KCND3: variants seen among roughly 807,000 people sequenced by gnomAD.
KCND3 encodes potassium voltage-gated channel subfamily D member 3.
Under a neutral mutation model 51.1 loss-of-function variants are expected in KCND3, and 9 were observed. The observed-to-expected ratio is 0.18, with a 90% CI of 0.11 to 0.31. KCND3 has a LOEUF of 0.31. Ranked by LOEUF, KCND3 falls within the 10% of genes least tolerant of loss-of-function variation. KCND3 has a pLI of 1.00. For synonymous variants in KCND3, 349 were observed against 368.0 expected (o/e 0.95, Z 0.59); for missense variants, 526 against 903.8 (o/e 0.58, Z 5.36).
chr1:111,981,969 C>T lies in KCND3; in HGVS notation c.758G>A (p.Arg253His), dbSNP rs1189045685. ...LRLFAAPSRY[R>H]FIRSVMSIID... ...GATGCTCATGACGCTGCGGATGAAG[C>T]GGTAGCGGCTGGGAGCCGCGAAGAG... The change falls in exon 2 of 8, where the codon CGC becomes CAC. Residue 253 changes from arginine (R) to histidine (H), a missense_variant. This residue lies in a region of KCND3 where 51 missense variants were observed against 84.7 expected (regional missense o/e 0.60). Coordinates refer to ENST00000302127, the MANE Select transcript of KCND3 (RefSeq NM_001378969.1). This position sits in a 1 kb window ranked among gnomAD's most constrained non-coding sequence, Gnocchi z 6.2. 3 of 1,613,894 alleles carry T rather than the reference C, an allele frequency of 1.9e-6. No individual in the cohort carries two copies. The highest frequency in any genetic ancestry group is 2.5e-6 in the Non-Finnish European group (3 of 1,180,032).
chr1:111,847,913 G>A (rs1400694821), intron 2 of KCND3, among the ~76,000 whole-genome samples: 2 of 152,170 alleles, frequency 1.3e-5, no homozygotes, highest in African/African-American at 4.8e-5. Flanking sequence ...CAGAGCTGTT[G>A]GTGGAATCAC....
At chr1:111,820,401 T>C (rs1054776767) in intron 2 of KCND3, among the ~76,000 whole-genome samples, 3 of 152,262 alleles carry the variant, frequency 2.0e-5, no homozygotes, top group Admixed American at 6.5e-5. Flanking sequence ...CTACATCATC[T>C]TCTTGTGCCT....
chr1:111,902,992 G>A (rs775297909), intron 2 of KCND3, among the ~76,000 whole-genome samples: 1 of 152,182 alleles, frequency 6.6e-6, no homozygotes, highest in African/African-American at 2.4e-5. Context: ...ACATACATGT[G>A]TAAGTGTTTA....
rs1249087950 is a variant in KCND3, at chr1:111,770,865, A to G, written c.*5212T>C. 1 of 151,814 alleles carries G rather than the reference A, an allele frequency of 6.6e-6. No homozygotes were observed. 9.4% of individuals were successfully genotyped at this position (151,814 alleles called of 1,614,324 possible). A position where few individuals can be genotyped will look rare whatever the true frequency, so the allele number is the denominator to read the frequency against. On this transcript the variant is annotated 3_prime_UTR_variant, in exon 8 of 8. Transcript: ENST00000302127. Reference sequence around the variant, plus strand: ...TTATCTTCCTGCAGTTTTGTACAGTATATTTCTTCTTTGCCATTGTGATGT... The same window carrying G: ...TTATCTTCCTGCAGTTTTGTACAGTGTATTTCTTCTTTGCCATTGTGATGT...
chr1:111,856,417 T>G (rs745537069), intron 2 of KCND3, among the ~76,000 whole-genome samples: 1 of 152,170 alleles, frequency 6.6e-6, no homozygotes, highest in Non-Finnish European at 1.5e-5. Flanking sequence ...GAGTGGAAGC[T>G]CTCTGCGTGC....
intron 1 of KCND3, among the ~76,000 whole-genome samples, chr1:111,985,439 T>C (rs1235156857): frequency 2.6e-5 from 4 of 152,124 alleles, no homozygotes; most frequent in Admixed American, 6.5e-5. Flanking sequence ...TTCCCAACTT[T>C]CCCTATCCCA....
intron 2 of KCND3, among the ~76,000 whole-genome samples, chr1:111,915,474 C>T (rs559610908): frequency 6.6e-5 from 10 of 152,016 alleles, no homozygotes; most frequent in Middle Eastern, 3.4e-3. Context: ...AACTGGAGGC[C>T]GGGTGCAGTG....
intron 3 of KCND3, among the ~76,000 whole-genome samples, chr1:111,783,610 G>T (rs1190823356): frequency 3.3e-5 from 5 of 152,144 alleles, no homozygotes; most frequent in African/African-American, 1.2e-4. Context: ...AGAGGCAGAA[G>T]GAAGAGAAAG....
intron 2 of KCND3, among the ~76,000 whole-genome samples, chr1:111,888,551 G>T (rs1387928705): frequency 6.6e-6 from 1 of 151,858 alleles, no homozygotes; most frequent in East Asian, 1.9e-4. Flanking sequence ...GCACGGTGGT[G>T]GGCGCCTGTA....
intron 2 of KCND3, among the ~76,000 whole-genome samples, chr1:111,816,016 G>T (rs144954874): frequency 6.6e-6 from 1 of 152,212 alleles, no homozygotes; most frequent in African/African-American, 2.4e-5. Context: ...GAGCGCTAAT[G>T]CTGTGCCCGG....
At chr1:111,798,880 G>A (rs1340527959) in intron 2 of KCND3, among the ~76,000 whole-genome samples, 1 of 151,570 alleles carries the variant, frequency 6.6e-6, no homozygotes, top group Non-Finnish European at 1.5e-5. Context: ...CTTGAAGTAG[G>A]GGAATCTATC....
intron 2 of KCND3, among the ~76,000 whole-genome samples, chr1:111,952,064 A>T (rs1023728771): frequency 1.3e-5 from 2 of 152,230 alleles, no homozygotes; most frequent in African/African-American, 4.8e-5. Flanking sequence ...GCCAGGGCAC[A>T]TCTGCATCCA....
chr1:111,879,981 A>G (rs1207295724), intron 2 of KCND3, among the ~76,000 whole-genome samples: 1 of 152,170 alleles, frequency 6.6e-6, no homozygotes, highest in Admixed American at 6.5e-5. Flanking sequence ...ATTTGAAAAA[A>G]TGGGATGATT....
At chr1:111,874,120 C>T (rs1220613348) in intron 2 of KCND3, among the ~76,000 whole-genome samples, 1 of 152,216 alleles carries the variant, frequency 6.6e-6, no homozygotes, top group Non-Finnish European at 1.5e-5. Context: ...CAGCTCATTT[C>T]CATACTGGTT....
chr1:111,774,550 C>T lies in KCND3; in HGVS notation c.*1527G>A, dbSNP rs1664032919. 1 of 152,284 alleles carries T rather than the reference C, an allele frequency of 6.6e-6. No homozygotes were observed. 9.4% of individuals were successfully genotyped at this position (152,284 alleles called of 1,614,324 possible). ...CCAGGTGTTCAAGAAATAATCTTCA[C>T]TCCTTTGCTTGCACAGAGGTGATGA... On this transcript the variant is annotated 3_prime_UTR_variant, in exon 8 of 8. Transcript: ENST00000302127.
intron 2 of KCND3, among the ~76,000 whole-genome samples, chr1:111,830,580 T>C (rs963356447): frequency 3.3e-5 from 5 of 152,216 alleles, no homozygotes; most frequent in East Asian, 1.9e-4. Context: ...CCTTAGGTTT[T>C]CAGCCCTGAG....
intron 2 of KCND3, 86 bp from the exon 3 acceptor site, chr1:111,787,192 TATTC>T: frequency 2.3e-5 from 31 of 1,353,638 alleles, no homozygotes; most frequent in Non-Finnish European, 3.0e-5. Context: ...TTCACCTGTT[TATTC>T]ATTCATTCAT....
In KCND3 at chr1:111,775,789, A is replaced by G; in HGVS notation, c.*288T>C. On this transcript the variant is annotated 3_prime_UTR_variant, in exon 8 of 8. Coordinates refer to ENST00000302127, the MANE Select transcript of KCND3 (RefSeq NM_001378969.1). ...TCCTCCATCCAGGCCCTGTCCTGGCACATAGCCTATATCCCCCGGCCTATC... is the reference window on the plus strand; with the variant it reads ...TCCTCCATCCAGGCCCTGTCCTGGCGCATAGCCTATATCCCCCGGCCTATC... The G allele has an allele frequency of 2.1e-6, 1 of 487,754 alleles. No individual in the cohort carries two copies. The allele number at this position is 487,754 out of a possible 1,614,324, so 30.2% of individuals were successfully genotyped here.
At chr1:111,784,445 C>T (rs1664523633) in intron 3 of KCND3, among the ~76,000 whole-genome samples, 1 of 152,184 alleles carries the variant, frequency 6.6e-6, no homozygotes, top group South Asian at 2.1e-4. Context: ...CCCTTATCTC[C>T]AGTTCACTTG....
Sources: allele counts gnomAD v4.1 joint callset (sites outside exome capture counted in the v4.1 genomes callset), GRCh38; gene constraint gnomAD v4.1.1; regional missense constraint gnomAD v4.1.1; non-coding constraint Gnocchi (gnomAD v3.1); transcripts MANE v1.5; gene names NCBI Gene and HGNC (gene_info 2026-07-23, HGNC 2026-07-21).